EIF2B3: variants seen among roughly 807,000 people sequenced by gnomAD.
The protein encoded by EIF2B3 is eukaryotic translation initiation factor 2B subunit gamma, also known as translation initiation factor eIF2B subunit gamma.
EIF2B3 carries 20 observed loss-of-function variants against 54.1 expected under a neutral mutation model. The ratio of observed to expected loss-of-function variants is 0.37; its 90% CI spans 0.26 to 0.54. The LOEUF is 0.54. Among genes scored for constraint, EIF2B3 ranks in the 20% least tolerant of loss-of-function variants. The pLI, the probability that EIF2B3 is intolerant of heterozygous loss-of-function variation, is 0.86. For synonymous variants in EIF2B3, 153 were observed against 188.1 expected, an observed-to-expected ratio of 0.81 and a Z score of 1.52; for missense variants, 448 against 547.8, an observed-to-expected ratio of 0.82 and a Z score of 1.82.
At chr1:44,865,540 C>A (rs11211049) in intron 10 of EIF2B3, among the ~76,000 whole-genome samples, 11,302 of 151,426 alleles carry the variant, frequency 0.075, 1,435 homozygotes, top group African/African-American at 0.26. Context: ...GAATGAAGCA[C>A]TCATCCACAA....
intron 5 of EIF2B3, among the ~76,000 whole-genome samples, chr1:44,898,930 A>C (rs1485254256): frequency 7.9e-5 from 12 of 152,064 alleles, no homozygotes; most frequent in Admixed American, 7.9e-4. Flanking sequence ...GAGCTCAAGC[A>C]ATCCCCCTAC....
At chr1:44,885,411 T>C (rs1382654659) in intron 6 of EIF2B3, among the ~76,000 whole-genome samples, 3 of 152,248 alleles carry the variant, frequency 2.0e-5, no homozygotes, top group Admixed American at 6.5e-5. Context: ...TTTTCATTAC[T>C]GATAAGAGTG....
At chr1:44,869,293 C>T (rs953897297) in intron 10 of EIF2B3, among the ~76,000 whole-genome samples, 51 of 152,054 alleles carry the variant, frequency 3.4e-4, no homozygotes, top group African/African-American at 1.2e-3. Flanking sequence ...ACCTGGCCAA[C>T]ATGGTGAAAC....
At chr1:44,891,339 G>C (rs1569636135) in intron 6 of EIF2B3, among the ~76,000 whole-genome samples, 1 of 152,226 alleles carries the variant, frequency 6.6e-6, no homozygotes, top group East Asian at 1.9e-4. Context: ...CTGGGTTCCA[G>C]TGATCCTCCT....
At chr1:44,877,175 C>T (rs1307641794) in intron 8 of EIF2B3, among the ~76,000 whole-genome samples, 1 of 105,634 alleles carries the variant, frequency 9.5e-6, no homozygotes, top group Non-Finnish European at 1.8e-5. Context: ...CTGCGAGAAA[C>T]ACCCAAGAAT....
At chr1:44,888,132 AGG>A (rs1256326429) in intron 6 of EIF2B3, among the ~76,000 whole-genome samples, 1 of 152,196 alleles carries the variant, frequency 6.6e-6, no homozygotes, top group East Asian at 1.9e-4. Flanking sequence ...TACAGATGAC[AGG>A]GCCCAACTGG....
chr1:44,869,422 G>A (rs1173476256), intron 10 of EIF2B3, among the ~76,000 whole-genome samples: 1 of 150,722 alleles, frequency 6.6e-6, no homozygotes, highest in Non-Finnish European at 1.5e-5. Flanking sequence ...AGGTTGCAGC[G>A]AGCTGAGATC....
intron 1 of EIF2B3, among the ~76,000 whole-genome samples, chr1:44,984,817 T>TTTTTTTTTTTTTTTTTTGG: frequency 7.4e-6 from 1 of 135,198 alleles, no homozygotes; most frequent in African/African-American, 2.8e-5. Flanking sequence ...TTTTTTTTTT[T>TTTTTTTTTTTTTTTTTTGG]GAGACGGAGT....
intron 10 of EIF2B3, 103 bp downstream of exon 10, chr1:44,874,574 CT>C: frequency 1.5e-6 from 2 of 1,314,480 alleles, no homozygotes; most frequent in Non-Finnish European, 2.1e-6. Context: ...TTGATTAGCA[CT>C]TTGCCTGGGT....
intron 4 of EIF2B3, among the ~76,000 whole-genome samples, chr1:44,935,570 G>A (rs1019871688): frequency 5.9e-5 from 9 of 152,128 alleles, no homozygotes; most frequent in Non-Finnish European, 1.0e-4. Flanking sequence ...CGTGATCTTG[G>A]CTCACTGCAA....
intron 3 of EIF2B3, among the ~76,000 whole-genome samples, chr1:44,958,289 T>G (rs1408299205): frequency 6.6e-6 from 1 of 152,194 alleles, no homozygotes; most frequent in Non-Finnish European, 1.5e-5. Context: ...ACTTGAATTT[T>G]GATCAAGATA....
At chr1:44,944,317 A>G (rs1230395895) in intron 3 of EIF2B3, among the ~76,000 whole-genome samples, 1 of 151,870 alleles carries the variant, frequency 6.6e-6, no homozygotes, top group African/African-American at 2.4e-5. Flanking sequence ...TTTGTCTTGG[A>G]AAACCAATTA....
At chr1:44,980,709 T>G (rs770015330) in intron 2 of EIF2B3, among the ~76,000 whole-genome samples, 2 of 152,106 alleles carry the variant, frequency 1.3e-5, no homozygotes, top group Non-Finnish European at 2.9e-5. Flanking sequence ...AATATAAATA[T>G]TACCTGGTAC....
At chr1:44,859,091 G>A (rs1654529291) in intron 10 of EIF2B3, among the ~76,000 whole-genome samples, 1 of 152,132 alleles carries the variant, frequency 6.6e-6, no homozygotes, top group African/African-American at 2.4e-5. Flanking sequence ...TTGGGCCCAG[G>A]AGTTTAAGAC....
At chr1:44,941,241 G>A (rs115518408) in intron 4 of EIF2B3, among the ~76,000 whole-genome samples, 1,626 of 152,136 alleles carry the variant, frequency 0.011, 33 homozygotes, top group African/African-American at 0.037. Flanking sequence ...TTAGATATAC[G>A]TATTCAATTA....
chr1:44,874,074 G>A (rs1200587311), intron 10 of EIF2B3, among the ~76,000 whole-genome samples: 2 of 150,156 alleles, frequency 1.3e-5, no homozygotes, highest in Non-Finnish European at 2.9e-5. Flanking sequence ...TCCTTTGAGT[G>A]TCAAGTTGGT....
At chr1:44,862,268 G>GTAGC (rs752678604) in intron 10 of EIF2B3, among the ~76,000 whole-genome samples, 1 of 152,194 alleles carries the variant, frequency 6.6e-6, no homozygotes, top group Non-Finnish European at 1.5e-5. Context: ...GCTCAGTGAT[G>GTAGC]GCTAAGACTA....
At chr1:44,907,274 T>G in intron 5 of EIF2B3, among the ~76,000 whole-genome samples, 1 of 152,212 alleles carries the variant, frequency 6.6e-6, no homozygotes, top group East Asian at 1.9e-4. Context: ...AATGCTTTGG[T>G]AGTGGCTGGG....
chr1:44,877,209 A>AAAAAC (rs1557666538), intron 8 of EIF2B3, among the ~76,000 whole-genome samples: 12 of 147,816 alleles, frequency 8.1e-5, no homozygotes, highest in African/African-American at 3.0e-4. Context: ...AAAAAAAAAA[A>AAAAAC]AAAAAAAAAA....
Sources: gnomAD v4.1 joint callset for allele counts (sites outside exome capture counted in the v4.1 genomes callset) on GRCh38, gnomAD v4.1.1 for gene constraint, MANE v1.5 for transcripts, NCBI Gene and HGNC (gene_info 2026-07-23, HGNC 2026-07-21) for gene names.